The following GALNTL6 variants were observed in gnomAD, a reference collection of about 807,000 sequenced individuals.
GALNTL6 encodes the protein polypeptide N-acetylgalactosaminyltransferase-like 6.
In GALNTL6, 46 loss-of-function variants were observed where a neutral mutation model predicts 73.7. That is an observed-to-expected ratio of 0.62 (90% CI 0.49 to 0.80). The LOEUF (loss-of-function observed/expected upper bound fraction) is 0.80. GALNTL6 is among the 30% of genes least tolerant of loss of function. GALNTL6 has a pLI of 0.00. For synonymous variants in GALNTL6, 259 were observed against 263.7 expected (o/e 0.98, Z 0.17); for missense variants, 604 against 755.0 (o/e 0.80, Z 2.34).
At chr4:173,039,883 C>A in intron 12 of GALNTL6, 50 bp from the exon 13 acceptor site, 2 of 1,424,902 alleles carry the variant, frequency 1.4e-6, no homozygotes, top group Non-Finnish European at 1.9e-6. Flanking sequence ...GGGTTGTAAC[C>A]ATTCACCACG....
chr4:172,020,994 T>A (rs1741381070), intron 2 of GALNTL6, among the ~76,000 whole-genome samples: 1 of 152,058 alleles, frequency 6.6e-6, no homozygotes, highest in Non-Finnish European at 1.5e-5. Flanking sequence ...CAAGGATGGT[T>A]CAACATACAC....
At chr4:172,333,682 T>C (rs1741210641) in intron 4 of GALNTL6, among the ~76,000 whole-genome samples, 1 of 152,190 alleles carries the variant, frequency 6.6e-6, no homozygotes, top group Admixed American at 6.5e-5. Flanking sequence ...AGAATATTTG[T>C]GGTTTAATAT....
intron 10 of GALNTL6, among the ~76,000 whole-genome samples, chr4:172,975,880 G>A (rs1279692446): frequency 6.6e-6 from 1 of 152,202 alleles, no homozygotes; most frequent in South Asian, 2.1e-4. Flanking sequence ...GACAGCAGGA[G>A]TAGGCACTTC....
At chr4:172,309,641 A>G (rs995712716) in intron 3 of GALNTL6, among the ~76,000 whole-genome samples, 17 of 152,100 alleles carry the variant, frequency 1.1e-4, no homozygotes, top group African/African-American at 4.1e-4. Flanking sequence ...TGTTAACTAT[A>G]TAATTAGATA....
At chr4:171,848,264 A>G (rs1735427014) in intron 2 of GALNTL6, among the ~76,000 whole-genome samples, 1 of 152,168 alleles carries the variant, frequency 6.6e-6, no homozygotes, top group Non-Finnish European at 1.5e-5. Context: ...GTAGGCTTAA[A>G]TATTCAGTAA....
At chr4:172,305,285 A>C (rs1042245625) in intron 3 of GALNTL6, among the ~76,000 whole-genome samples, 51 of 152,174 alleles carry the variant, frequency 3.4e-4, no homozygotes, top group Admixed American at 9.2e-4. Context: ...ATCTGCCTTA[A>C]GTATACATAG....
chr4:172,941,506 A>G (rs1748920761), intron 9 of GALNTL6, among the ~76,000 whole-genome samples: 1 of 152,138 alleles, frequency 6.6e-6, no homozygotes, highest in African/African-American at 2.4e-5. Flanking sequence ...GTTATTGAGC[A>G]TTTACATAAC....
chr4:172,849,356 GA>G (rs1376219487), intron 7 of GALNTL6, among the ~76,000 whole-genome samples: 2 of 152,008 alleles, frequency 1.3e-5, no homozygotes, highest in African/African-American at 4.8e-5. Context: ...AAAAGAAAGT[GA>G]AAAAATGTCT....
intron 5 of GALNTL6, among the ~76,000 whole-genome samples, chr4:172,761,980 A>G (rs1738134019): frequency 6.6e-6 from 1 of 152,196 alleles, no homozygotes; most frequent in South Asian, 2.1e-4. Flanking sequence ...CAAAGTGACA[A>G]ATCTTTAAAT....
At chr4:172,484,400 T>G (rs888952162) in intron 5 of GALNTL6, among the ~76,000 whole-genome samples, 2 of 152,176 alleles carry the variant, frequency 1.3e-5, no homozygotes, top group African/African-American at 4.8e-5. Flanking sequence ...AGTAAAGATA[T>G]CAGTGTAACA....
intron 7 of GALNTL6, among the ~76,000 whole-genome samples, chr4:172,841,974 G>A (rs558223485): frequency 6.6e-6 from 1 of 152,162 alleles, no homozygotes. Flanking sequence ...TGCTGGCTCT[G>A]TTGTGAGTCC....
intron 2 of GALNTL6, among the ~76,000 whole-genome samples, chr4:171,859,702 G>A (rs1167314018): frequency 2.0e-5 from 3 of 152,196 alleles, no homozygotes; most frequent in African/African-American, 2.4e-5. Context: ...GACAGCACAT[G>A]CTAAGTGTCA....
At chr4:172,713,220 AGATGTGTGTGTGTGTGTGTG>A (rs1734824274) in intron 5 of GALNTL6, among the ~76,000 whole-genome samples, 1 of 95,342 alleles carries the variant, frequency 1.0e-5, no homozygotes, top group African/African-American at 3.8e-5. Context: ...CAAAAGAATA[AGATGTGTGTGTGTGTGTGTG>A]TGTGTGTGTG....
chr4:172,196,110 G>A (rs1735759943), intron 2 of GALNTL6, among the ~76,000 whole-genome samples: 1 of 149,186 alleles, frequency 6.7e-6, no homozygotes. Flanking sequence ...TGTGATAAAG[G>A]GGATATCACC....
At chr4:172,562,673 G>A (rs1192202851) in intron 5 of GALNTL6, among the ~76,000 whole-genome samples, 1 of 152,170 alleles carries the variant, frequency 6.6e-6, no homozygotes, top group Admixed American at 6.5e-5. Context: ...AGTCATTCCT[G>A]CTGCTCCTGC....
chr4:171,899,347 T>G (rs960620726), intron 2 of GALNTL6, among the ~76,000 whole-genome samples: 6 of 152,118 alleles, frequency 3.9e-5, no homozygotes, highest in African/African-American at 1.2e-4. Flanking sequence ...TATGGCTTTG[T>G]GTGTTTACAG....
intron 5 of GALNTL6, among the ~76,000 whole-genome samples, chr4:172,556,965 A>G (rs1197671691): frequency 6.6e-6 from 1 of 152,138 alleles, no homozygotes; most frequent in African/African-American, 2.4e-5. Flanking sequence ...TTTCTATTAT[A>G]GAGATTTAGT....
At chr4:172,737,930 A>G (rs1001830397) in intron 5 of GALNTL6, among the ~76,000 whole-genome samples, 1 of 152,138 alleles carries the variant, frequency 6.6e-6, no homozygotes, top group Admixed American at 6.5e-5. Context: ...AAGCTTGGCT[A>G]GGGGATTATA....
intron 5 of GALNTL6, among the ~76,000 whole-genome samples, chr4:172,749,892 T>C (rs537338099): frequency 1.6e-4 from 24 of 152,140 alleles, no homozygotes; most frequent in Non-Finnish European, 3.1e-4. Context: ...TAGTATGGTT[T>C]TGTTATTTTG....
Sources: allele counts gnomAD v4.1 joint callset (sites outside exome capture counted in the v4.1 genomes callset), GRCh38; gene constraint gnomAD v4.1.1; transcripts MANE v1.5; gene names NCBI Gene and HGNC (gene_info 2026-07-23, HGNC 2026-07-21).